C11orf54: variants seen among roughly 807,000 people sequenced by gnomAD.
C11orf54 encodes beta-keto L-gulonate decarboxylase.
A neutral mutation model predicts 35.5 loss-of-function variants in C11orf54; 29 were observed. That is an observed-to-expected ratio of 0.82 (90% confidence interval 0.61 to 1.11). C11orf54 has a LOEUF of 1.11. C11orf54 is among the 50% of genes most tolerant of loss of function. C11orf54 has a pLI of 0.00. For synonymous variants in C11orf54, 108 were observed against 121.1 expected, an observed-to-expected ratio of 0.89 and a Z score of 0.71; for missense variants, 373 against 369.2, an observed-to-expected ratio of 1.01 and a Z score of -0.08.
chr11:93,758,618 C>T lies in C11orf54; in HGVS notation c.658-1124C>T, dbSNP rs529253999. ...AAGTCAGGCAGAGCCCGGTCGCTGT[C>T]GCAGCCCAGCCAGGTGTGCACACGC... On this transcript the variant is annotated intron_variant, in intron 7 of 8. Coordinates refer to ENST00000354421, the MANE Select transcript of C11orf54 (RefSeq NM_001286069.2). Among the ~76,000 whole-genome samples the T allele has an allele frequency of 2.8e-4, 43 of 152,364 alleles. 2 individuals are homozygous for T. In the South Asian group the frequency reaches 7.0e-3, roughly 25 times the overall value.
At chr11:93,752,591 T>C (rs1942897455) in intron 3 of C11orf54, among the ~76,000 whole-genome samples, 2 of 152,142 alleles carry the variant, frequency 1.3e-5, no homozygotes, top group Non-Finnish European at 1.5e-5. Flanking sequence ...TTCTTTCTAA[T>C]AGTCTCTTAA....
intron 1 of C11orf54, among the ~76,000 whole-genome samples, chr11:93,743,635 T>C (rs1337316879): frequency 6.6e-6 from 1 of 152,218 alleles, no homozygotes; most frequent in Non-Finnish European, 1.5e-5. Flanking sequence ...GCCCTGCGGC[T>C]GTGTCTAGGG....
rs1176899328 is a variant in C11orf54, at chr11:93,757,409, A to C, written c.601A>C (p.Ile201Leu). The stretch of plus-strand genomic sequence containing the variant: ...GGAAAAACATTATGGAAATAAGCCT[A>C]TAGGAATGGGAGGTACTTTCATAAT... ...TLEKHYGNKPIGMGGTFIIQK... is the reference protein window; with the variant it reads ...TLEKHYGNKPLGMGGTFIIQK... The change falls in exon 7 of 9, where the codon ATA becomes CTA. Residue 201 changes from isoleucine (I) to leucine (L), a missense_variant. Transcript: ENST00000354421. The C allele has an allele frequency of 6.3e-7, 1 of 1,598,274 alleles. No individual in the cohort carries two copies. The highest frequency in any genetic ancestry group is 1.3e-5 in the African/African-American group (1 of 75,022).
chr11:93,747,416 T>G lies in C11orf54; in HGVS notation c.23T>G (p.Phe8Cys). Residue 8 changes from phenylalanine (F) to cysteine (C), a missense_variant, in exon 2 of 9, where the codon TTT (phenylalanine) becomes TGT (cysteine). Transcript: ENST00000354421. The stretch of plus-strand genomic sequence containing the variant: ...AAAATGGCTTGTGCTGAGTTTTCTT[T>G]TCATGTACCAAGTCTTGAAGAGCTT... MACAEFS[F>C]HVPSLEELAG... is the part of the protein sequence containing the mutation. 6.2e-7 allele frequency: 1 copy of G among 1,601,418 alleles called. No homozygotes were observed. Among genetic ancestry groups the G allele is most frequent in the Admixed American group, 1.7e-5 (1 of 57,420 alleles).
In C11orf54 at chr11:93,764,688, T is replaced by C. The variant is rs1014048810; in HGVS notation, c.*3000T>C. ...TTCTCGAACTCCTGGCCTCAAGTGA[T>C]CTGCCCGTCTCAGCCTCTCAAATTG... On this transcript the variant is annotated 3_prime_UTR_variant, in exon 9 of 9. Transcript: ENST00000354421. 6.6e-6 allele frequency: 1 copy of C among 152,172 alleles called. No homozygotes were observed. The highest frequency in any genetic ancestry group is 2.4e-5 in the African/African-American group (1 of 41,416). 9.4% of individuals were successfully genotyped at this position (152,172 alleles called of 1,614,324 possible).
rs548397573 is a variant in C11orf54 at position 93,753,912 on chromosome 11, A to G, written c.229-24A>G. 1.2e-5 allele frequency: 19 copies of G among 1,602,786 alleles called. No homozygotes were observed. The East Asian group carries it at 2.5e-4, about 21-fold the overall frequency. ...GGACTTTGTACAAGTTGTGACTTAA[A>G]TAATATTTTTTCCTCTTCTATAGGT... On this transcript the variant is annotated intron_variant, in intron 4 of 8. Transcript: ENST00000354421.
chr11:93,750,382 T>G lies in C11orf54; in HGVS notation c.92T>G (p.Val31Gly), dbSNP rs757991478. Residue 31 changes from valine to glycine, a missense_variant, in exon 3 of 9, where the codon GTC becomes GGC. Val to Gly is a moderately radical substitution (Grantham distance 109). Transcript: ENST00000354421. Reference sequence around the variant, plus strand: ...GGGTTAAAAGATAACTTTGCTGATGTCCAGGTCTCTGTAGTTGATTGCCCT... The same window carrying G: ...GGGTTAAAAGATAACTTTGCTGATGGCCAGGTCTCTGTAGTTGATTGCCCT... The part of the protein sequence containing the change: ...QKGLKDNFAD[V>G]QVSVVDCPDL... 1 of 1,613,906 alleles carries G rather than the reference T, an allele frequency of 6.2e-7. No individual in the cohort carries two copies. Among genetic ancestry groups the G allele is most frequent in the Non-Finnish European group, 8.5e-7 (1 of 1,179,872 alleles).
intron 1 of C11orf54, chr11:93,741,964 A>T (rs1036542399): frequency 1.7e-5 from 3 of 171,664 alleles, no homozygotes; most frequent in Non-Finnish European, 2.5e-5. Context: ...TGCCTTCAGA[A>T]ACCCTTGTGT....
chr11:93,759,798 G>T lies in C11orf54; in HGVS notation c.714G>T (p.Leu238Phe). 1 of 1,611,032 alleles carries T rather than the reference G, an allele frequency of 6.2e-7. No homozygotes were observed. The highest frequency in any genetic ancestry group is 8.5e-7 in the Non-Finnish European group (1 of 1,178,048). ...CTGATGAAGAAGTGAATAAATGGTTGCATTTTTATGAAATGAAAGCTCCTT... is the reference window on the plus strand; with the variant it reads ...CTGATGAAGAAGTGAATAAATGGTTTCATTTTTATGAAATGAAAGCTCCTT... ...LNSDEEVNKW[L>F]HFYEMKAPLV... Residue 238 changes from leucine to phenylalanine, a missense_variant, in exon 8 of 9, where the codon TTG becomes TTT. By Grantham distance (22) the Leu-to-Phe change is conservative. Coordinates refer to ENST00000354421, the MANE Select transcript of C11orf54 (RefSeq NM_001286069.2).
intron 8 of C11orf54, 48 bp from the exon 9 acceptor site, chr11:93,761,467 T>C (rs757813465): frequency 6.6e-7 from 1 of 1,504,460 alleles, no homozygotes; most frequent in African/African-American, 1.4e-5. Flanking sequence ...CCCCTTAAAC[T>C]CTAATCAATA....
At chr11:93,760,000 G>T in intron 8 of C11orf54, 142 bp downstream of exon 8, 2 of 523,480 alleles carry the variant, frequency 3.8e-6, no homozygotes, top group Non-Finnish European at 6.6e-6. Flanking sequence ...AGGCTAGAGT[G>T]CAATGGCAGG....
rs191081103 is a variant in C11orf54 at position 93,757,353 on chromosome 11, T to A, written c.545T>A (p.Leu182His). The part of the protein sequence containing the change: ...EVKAKRRTGP[L>H]NFVTCMRETL... ...AAAGCCAAAAGAAGAACTGGACCACTTAACTTTGTGACTTGTATGAGAGAG... is the reference window on the plus strand; with the variant it reads ...AAAGCCAAAAGAAGAACTGGACCACATAACTTTGTGACTTGTATGAGAGAG... The change falls in exon 7 of 9, where the codon CTT becomes CAT. Residue 182 changes from leucine (L) to histidine (H), a missense_variant. Transcript: ENST00000354421. The A allele has an allele frequency of 3.8e-6, 6 of 1,598,308 alleles. No individual in the cohort carries two copies. Among genetic ancestry groups the A allele is most frequent in the Non-Finnish European group, 5.1e-6 (6 of 1,179,768 alleles).
chr11:93,747,579 G>A, intron 2 of C11orf54, 131 bp downstream of exon 2: 1 of 388,916 alleles, frequency 2.6e-6, no homozygotes, highest in Non-Finnish European at 4.2e-6. Context: ...TAATACTTTT[G>A]GTACAGAATT....
intron 1 of C11orf54, among the ~76,000 whole-genome samples, chr11:93,745,635 A>C (rs528681890): frequency 6.6e-6 from 1 of 152,312 alleles, no homozygotes; most frequent in South Asian, 2.1e-4. Context: ...TAACAGTCTG[A>C]GCTCTCTTTT....
chr11:93,757,533 A>ATTT, intron 7 of C11orf54, 68 bp downstream of exon 7: 3 of 1,203,320 alleles, frequency 2.5e-6, no homozygotes, highest in Non-Finnish European at 3.4e-6. Context: ...AGATCTTAGG[A>ATTT]TTTTTTTTTT....
chr11:93,763,940 T>C lies in C11orf54; in HGVS notation c.*2252T>C, dbSNP rs1943567395. The stretch of plus-strand genomic sequence containing the variant: ...GGAGTAGGGCCAGAGTGATGTTTCT[T>C]GCATGTGGTTTGAATTTCCCACTGG... On this transcript the variant is annotated 3_prime_UTR_variant, in exon 9 of 9. Transcript: ENST00000354421. 6.6e-6 allele frequency: 1 copy of C among 152,252 alleles called. No individual in the cohort carries two copies. Among genetic ancestry groups the C allele is most frequent in the Non-Finnish European group, 1.5e-5 (1 of 68,078 alleles). 9.4% of individuals were successfully genotyped at this position (152,252 alleles called of 1,614,324 possible).
intron 7 of C11orf54, among the ~76,000 whole-genome samples, chr11:93,759,434 G>C (rs912224866): frequency 6.6e-6 from 1 of 152,078 alleles, no homozygotes; most frequent in Non-Finnish European, 1.5e-5. Flanking sequence ...TCATAAGTGG[G>C]TTGTTGAACA....
At chr11:93,745,106 C>T (rs1289594685) in intron 1 of C11orf54, among the ~76,000 whole-genome samples, 1 of 152,196 alleles carries the variant, frequency 6.6e-6, no homozygotes, top group Non-Finnish European at 1.5e-5. Context: ...CCCCTCCAGC[C>T]ACAGGGTGGT....
chr11:93,742,323 G>A (rs1440031970), intron 1 of C11orf54, among the ~76,000 whole-genome samples: 1 of 148,124 alleles, frequency 6.8e-6, no homozygotes, highest in East Asian at 2.0e-4. Context: ...CGCTCTTGTT[G>A]CCCAGGCTGG....
Sources: gnomAD v4.1 joint callset for allele counts (sites outside exome capture counted in the v4.1 genomes callset) on GRCh38, gnomAD v4.1.1 for gene constraint, MANE v1.5 for transcripts, NCBI Gene and HGNC (gene_info 2026-07-23, HGNC 2026-07-21) for gene names.